The following EPHA5 variants were observed in gnomAD, a reference collection of about 807,000 sequenced individuals.
EPHA5 encodes ephrin type-A receptor 5.
In EPHA5, 60 loss-of-function variants were observed where a neutral mutation model predicts 105.0. That is an observed-to-expected ratio of 0.57 (90% confidence interval 0.46 to 0.71). The LOEUF is 0.71. Ranked by LOEUF, EPHA5 falls within the 30% of genes least tolerant of loss-of-function variation. EPHA5 has a pLI of 0.00. For missense variants in EPHA5, 1,218 were observed against 1,274.7 expected (o/e 0.96, Z 0.68); for synonymous variants, 513 against 449.1 (o/e 1.14, Z -1.80).
At chr4:65,549,921 G>A (rs1487443388) in intron 3 of EPHA5, among the ~76,000 whole-genome samples, 1 of 152,012 alleles carries the variant, frequency 6.6e-6, no homozygotes, top group Non-Finnish European at 1.5e-5. Context: ...GAATAGAGAT[G>A]CTCAGAAGGC....
rs772150635 is a variant in EPHA5, at chr4:65,414,406, T to C, written c.1565A>G (p.Glu522Gly). Reference sequence around the variant, plus strand: ...CAAGCCCTCTGCAGTAATAGTTGTCTCTTTAGATTTGATAATCGTGTAGCT... The same window carrying C: ...CAAGCCCTCTGCAGTAATAGTTGTCCCTTTAGATTTGATAATCGTGTAGCT... The part of the protein sequence containing the change: ...ETSYTIIKSK[E>G]TTITAEGLKP... The change falls in exon 7 of 17, where the codon GAG (glutamate) becomes GGG (glycine). Residue 522 changes from glutamate to glycine, a missense_variant. Coordinates refer to ENST00000613740, the MANE Select transcript of EPHA5 (RefSeq NM_001281766.3). The C allele has an allele frequency of 6.2e-7, 1 of 1,613,992 alleles. No homozygotes were observed. Among genetic ancestry groups the C allele is most frequent in the Non-Finnish European group, 8.5e-7 (1 of 1,179,884 alleles).
chr4:65,640,474 GACAGGGT>G (rs988669375), intron 2 of EPHA5, among the ~76,000 whole-genome samples: 28 of 151,946 alleles, frequency 1.8e-4, no homozygotes, highest in Non-Finnish European at 1.8e-4. Context: ...TTTTAGTAGA[GACAGGGT>G]GTCCCCGTGT....
chr4:65,467,436 A>C (rs1029658400), intron 5 of EPHA5, among the ~76,000 whole-genome samples: 7 of 152,186 alleles, frequency 4.6e-5, no homozygotes, highest in African/African-American at 1.7e-4. Flanking sequence ...ATCTGAACTG[A>C]TCTTTTGACT....
chr4:65,529,607 T>G (rs1421759091), intron 3 of EPHA5, among the ~76,000 whole-genome samples: 1 of 152,132 alleles, frequency 6.6e-6, no homozygotes, highest in Non-Finnish European at 1.5e-5. Flanking sequence ...ATTTTCATTG[T>G]GCATATGTTA....
intron 16 of EPHA5, chr4:65,331,748 A>G: frequency 1.6e-6 from 2 of 1,219,464 alleles, no homozygotes; most frequent in Admixed American, 4.3e-5. Context: ...CAATTATTCA[A>G]GTATGCCAAT....
At chr4:65,467,195 T>C (rs754163664) in intron 5 of EPHA5, among the ~76,000 whole-genome samples, 4 of 152,130 alleles carry the variant, frequency 2.6e-5, no homozygotes, top group Admixed American at 6.5e-5. Flanking sequence ...GGAAAAAAGA[T>C]AGGGTGCCAG....
chr4:65,503,988 A>G (rs1471384820), intron 3 of EPHA5, among the ~76,000 whole-genome samples: 1 of 151,384 alleles, frequency 6.6e-6, no homozygotes, highest in Non-Finnish European at 1.5e-5. Context: ...AGGTATATGT[A>G]TATGTTGTAA....
intron 3 of EPHA5, among the ~76,000 whole-genome samples, chr4:65,588,172 G>A (rs1742299862): frequency 6.6e-6 from 1 of 152,054 alleles, no homozygotes; most frequent in South Asian, 2.1e-4. Flanking sequence ...GAGTGAATAT[G>A]AATAAAACAT....
At chr4:65,508,005 C>A (rs1733237143) in intron 3 of EPHA5, among the ~76,000 whole-genome samples, 1 of 151,982 alleles carries the variant, frequency 6.6e-6, no homozygotes, top group African/African-American at 2.4e-5. Context: ...CCCTTAGGCT[C>A]TTTTACTTTG....
At chr4:65,474,366 A>G (rs1325756591) in intron 5 of EPHA5, among the ~76,000 whole-genome samples, 1 of 152,210 alleles carries the variant, frequency 6.6e-6, no homozygotes, top group Non-Finnish European at 1.5e-5. Context: ...AAATAGGCAG[A>G]TACAACCAAA....
intron 2 of EPHA5, among the ~76,000 whole-genome samples, chr4:65,608,015 A>G (rs995998675): frequency 6.6e-6 from 1 of 152,194 alleles, no homozygotes; most frequent in African/African-American, 2.4e-5. Flanking sequence ...CTAAACGATG[A>G]GTTCATGTCC....
intron 7 of EPHA5, among the ~76,000 whole-genome samples, chr4:65,413,980 A>G (rs776606690): frequency 5.3e-5 from 8 of 152,216 alleles, no homozygotes; most frequent in Non-Finnish European, 1.0e-4. Context: ...GTAAATGGGA[A>G]TAATTCAATA....
At chr4:65,534,081 C>T (rs953795865) in intron 3 of EPHA5, among the ~76,000 whole-genome samples, 7 of 152,132 alleles carry the variant, frequency 4.6e-5, no homozygotes, top group Non-Finnish European at 1.0e-4. Context: ...AGATAATTAG[C>T]ACAAAATGTC....
At chr4:65,620,025 A>T (rs1387976642) in intron 2 of EPHA5, among the ~76,000 whole-genome samples, 1 of 150,030 alleles carries the variant, frequency 6.7e-6, no homozygotes, top group Non-Finnish European at 1.5e-5. Context: ...ATAGTATCAC[A>T]ACCATCTCTG....
At chr4:65,513,272 T>G (rs1411497355) in intron 3 of EPHA5, among the ~76,000 whole-genome samples, 3 of 152,196 alleles carry the variant, frequency 2.0e-5, no homozygotes. Context: ...AGTTTTTGTT[T>G]TTTCTATATT....
intron 8 of EPHA5, among the ~76,000 whole-genome samples, chr4:65,380,844 C>T (rs2148929208): frequency 6.6e-6 from 1 of 151,804 alleles, no homozygotes; most frequent in East Asian, 1.9e-4. Context: ...AAATTCTAAA[C>T]CTATCAAAAG....
chr4:65,345,510 G>A (rs1722129506), intron 14 of EPHA5, among the ~76,000 whole-genome samples: 1 of 152,238 alleles, frequency 6.6e-6, no homozygotes, highest in Non-Finnish European at 1.5e-5. Context: ...CAATAAGAAT[G>A]TGTGTCCCTC....
chr4:65,323,894 T>G lies in EPHA5; in HGVS notation c.*220A>C. 2.5e-6 allele frequency: 1 copy of G among 392,546 alleles called. No individual in the cohort carries two copies. Among genetic ancestry groups the G allele is most frequent in the South Asian group, 4.4e-5 (1 of 22,722 alleles). 24.3% of individuals were successfully genotyped at this position (392,546 alleles called of 1,614,324 possible). On this transcript the variant is annotated 3_prime_UTR_variant, in exon 17 of 17. Coordinates refer to ENST00000613740, the MANE Select transcript of EPHA5 (RefSeq NM_001281766.3). Reference sequence around the variant, plus strand: ...GATGATGTCTAACTTCATGTCCCTTTTAATGCAAGATATGTTTGCTTCATG... The same window carrying G: ...GATGATGTCTAACTTCATGTCCCTTGTAATGCAAGATATGTTTGCTTCATG...
Position 65,348,321 on chromosome 4 carries a change from C to G in EPHA5, c.2446-118G>C, listed in dbSNP as rs918663244. ...AGCATTTTTAAGTGAATCTGTTTGACAGCGCGCAGTGTCTTTTCAAATCTC... is the reference window on the plus strand; with the variant it reads ...AGCATTTTTAAGTGAATCTGTTTGAGAGCGCGCAGTGTCTTTTCAAATCTC... On this transcript the variant is annotated intron_variant, in intron 13 of 16. Transcript: ENST00000613740. The G allele has an allele frequency of 7.8e-5, 71 of 916,020 alleles. No individual in the cohort carries two copies. The Admixed American group carries it at 1.6e-3, about 20-fold the overall frequency. 56.7% of individuals were successfully genotyped at this position (916,020 alleles called of 1,614,324 possible). A position where few individuals can be genotyped will look rare whatever the true frequency, so the allele number is the denominator to read the frequency against.
Sources: gnomAD v4.1 joint callset for allele counts (sites outside exome capture counted in the v4.1 genomes callset) on GRCh38, gnomAD v4.1.1 for gene constraint, MANE v1.5 for transcripts, NCBI Gene and HGNC (gene_info 2026-07-23, HGNC 2026-07-21) for gene names.